NUMA1: variants seen among roughly 807,000 people sequenced by gnomAD.
NUMA1 encodes the protein nuclear mitotic apparatus protein 1.
A neutral mutation model predicts 237.1 loss-of-function variants in NUMA1; 62 were observed. The observed-to-expected ratio is 0.26, with a 90% CI of 0.21 to 0.32. The LOEUF is 0.32. Among genes scored for constraint, NUMA1 ranks in the 10% least tolerant of loss-of-function variants. The pLI is 1.00. For missense variants in NUMA1, 2,533 were observed against 2,666.5 expected (o/e 0.95, Z 1.10); for synonymous variants, 1,028 against 1,066.1 (o/e 0.96, Z 0.70).
At chr11:72,053,810 TA>T (rs1371623250) in intron 2 of NUMA1, among the ~76,000 whole-genome samples, 2 of 152,108 alleles carry the variant, frequency 1.3e-5, no homozygotes, top group Admixed American at 6.5e-5. Flanking sequence ...AAAAACATTT[TA>T]GGGAAAAAAA....
chr11:72,060,796 C>G (rs1230165264), intron 2 of NUMA1, among the ~76,000 whole-genome samples: 1 of 152,142 alleles, frequency 6.6e-6, no homozygotes, highest in Admixed American at 6.5e-5. Flanking sequence ...TTAGGCTAGG[C>G]ACGGTAGCCC....
rs780384295 is a variant in NUMA1, at chr11:72,018,168, C to T, written c.978+15G>A. 7.6e-6 allele frequency: 12 copies of T among 1,588,276 alleles called. No homozygotes were observed. Among genetic ancestry groups the T allele is most frequent in the African/African-American group, 1.3e-5 (1 of 74,406 alleles). ...CCCTGAGGGGCCTCCATGCACACAC[C>T]ACCTTAACACCCACCTTAAAGGAAA... On this transcript the variant is annotated intron_variant, in intron 12 of 26. Coordinates refer to ENST00000393695, the MANE Select transcript of NUMA1 (RefSeq NM_006185.4).
chr11:72,046,754 G>A (rs2135956154), intron 2 of NUMA1, among the ~76,000 whole-genome samples: 1 of 151,982 alleles, frequency 6.6e-6, no homozygotes, highest in South Asian at 2.1e-4. Flanking sequence ...GAGCTCAAGA[G>A]TTCAAGACCA....
chr11:72,056,635 T>TAAAAA lies in NUMA1; in HGVS notation c.-33+13202_-33+13206dup, dbSNP rs59248999. Among the ~76,000 whole-genome samples, 102 of 75,980 alleles carry TAAAAA rather than the reference T, an allele frequency of 1.3e-3. 7 individuals carry two copies. Among genetic ancestry groups the TAAAAA allele is most frequent in the African/African-American group, 4.7e-3 (72 of 15,412 alleles). 49.8% of individuals were successfully genotyped at this position (75,980 alleles called of 152,430 possible). A position where few individuals can be genotyped will look rare whatever the true frequency, so the allele number is the denominator to read the frequency against. On this transcript the variant is annotated intron_variant, in intron 2 of 26. Coordinates refer to ENST00000393695, the MANE Select transcript of NUMA1 (RefSeq NM_006185.4). ...GCGCCTGACCAAGATCCCATCTCTT[T>TAAAAA]AAAAAAAAAAAAAAAAAAAAAAAAA...
chr11:72,064,527 G>T (rs1158129444), intron 2 of NUMA1, among the ~76,000 whole-genome samples: 1 of 152,018 alleles, frequency 6.6e-6, no homozygotes, highest in African/African-American at 2.4e-5. Flanking sequence ...CTCAAGAAAT[G>T]TTGAATTTTA....
chr11:72,018,151 G>A, intron 12 of NUMA1, 32 bp downstream of exon 12: 1 of 1,482,894 alleles, frequency 6.7e-7, no homozygotes, highest in Non-Finnish European at 9.4e-7. Context: ...AGCCCTGAGG[G>A]GCCTCCATGC....
intron 17 of NUMA1, among the ~76,000 whole-genome samples, chr11:72,010,114 C>T (rs1423113071): frequency 6.6e-6 from 1 of 152,226 alleles, no homozygotes; most frequent in Admixed American, 6.5e-5. Context: ...GCAATCAAGA[C>T]ATGCTGTGGC....
rs1403525907 is a variant in NUMA1, at chr11:72,014,063, T to A, written c.3440A>T (p.Glu1147Val). The change falls in exon 15 of 27, where the codon GAA (glutamate) becomes GTA (valine). Residue 1147 changes from glutamate (E) to valine (V), a missense_variant. Around this residue, in one of 3 missense-constraint regions of NUMA1, gnomAD observed 1,414 missense variants for 1,508.1 expected, o/e 0.94. Coordinates refer to ENST00000393695, the MANE Select transcript of NUMA1 (RefSeq NM_006185.4). This position sits in a 1 kb window ranked among gnomAD's most constrained non-coding sequence, Gnocchi z 4.6. ...QKQQEQADSL[E>V]RSLEAERASR... Reference sequence around the variant, plus strand: ...GGCCCGCTCAGCCTCGAGGCTGCGTTCCAGGCTGTCAGCCTGCTCCTGCTG... The same window carrying A: ...GGCCCGCTCAGCCTCGAGGCTGCGTACCAGGCTGTCAGCCTGCTCCTGCTG... 1.2e-6 allele frequency: 2 copies of A among 1,610,948 alleles called. No homozygotes were observed. The highest frequency in any genetic ancestry group is 1.7e-6 in the Non-Finnish European group (2 of 1,180,010).
chr11:72,010,286 AAAG>A (rs1241602101), intron 17 of NUMA1, among the ~76,000 whole-genome samples: 1 of 152,224 alleles, frequency 6.6e-6, no homozygotes, highest in Non-Finnish European at 1.5e-5. Context: ...GTATTAAACC[AAAG>A]AAGGTGACAC....
chr11:72,033,038 T>A (rs1235503407), intron 3 of NUMA1, among the ~76,000 whole-genome samples: 1 of 152,212 alleles, frequency 6.6e-6, no homozygotes, highest in Non-Finnish European at 1.5e-5. Context: ...GTGTATGTTC[T>A]ATGCCACTCT....
At chr11:72,010,744 T>A in intron 17 of NUMA1, 42 bp downstream of exon 17, 2 of 1,577,692 alleles carry the variant, frequency 1.3e-6, no homozygotes, top group Non-Finnish European at 1.7e-6. Context: ...ATAGCTTCCC[T>A]CCCTTGTCCA....
chr11:72,053,148 T>C (rs1446447771), intron 2 of NUMA1, among the ~76,000 whole-genome samples: 1 of 152,176 alleles, frequency 6.6e-6, no homozygotes, highest in African/African-American at 2.4e-5. Context: ...CACACCTGGC[T>C]ATTTTATTTT....
At chr11:72,046,922 T>C (rs1339977836) in intron 2 of NUMA1, among the ~76,000 whole-genome samples, 2 of 151,878 alleles carry the variant, frequency 1.3e-5, no homozygotes, top group African/African-American at 2.4e-5. Flanking sequence ...ATTGCGCCAT[T>C]GCACTCCAGT....
intron 8 of NUMA1, 83 bp downstream of exon 8, chr11:72,021,121 C>T (rs548008042): frequency 1.1e-5 from 13 of 1,131,822 alleles, no homozygotes; most frequent in Non-Finnish European, 1.7e-5. Context: ...CAGAAACAAA[C>T]CCCCACCATA....
At chr11:72,033,792 G>A (rs1173241212) in intron 3 of NUMA1, among the ~76,000 whole-genome samples, 10 of 152,230 alleles carry the variant, frequency 6.6e-5, no homozygotes, top group Middle Eastern at 6.8e-3. Flanking sequence ...AGGTCAAGGC[G>A]GGTGGATCAC....
In NUMA1 at chr11:72,008,759, C is replaced by T; in HGVS notation, c.5145G>A (p.Lys1715=). 6.2e-7 allele frequency: 1 copy of T among 1,614,156 alleles called. No homozygotes were observed. Among genetic ancestry groups the T allele is most frequent in the Non-Finnish European group, 8.5e-7 (1 of 1,180,026 alleles). Residue 1715 remains lysine (K), a synonymous_variant, in exon 20 of 27, where the codon AAG becomes AAA. Coordinates refer to ENST00000393695, the MANE Select transcript of NUMA1 (RefSeq NM_006185.4). ...TGTCAATACTCAAGTCCAGCTGGGG[C>T]TTAGCCTGGGGCTCACGGCTCTTTA... ...DALKSREPQA[K]PQLDLSIDSL... is the part of the protein sequence containing the mutation.
intron 13 of NUMA1, 179 bp from the exon 14 acceptor site, chr11:72,016,709 T>C: frequency 2.9e-6 from 2 of 680,290 alleles, no homozygotes; most frequent in Non-Finnish European, 4.9e-6. Context: ...CCTGATTCTC[T>C]AGACCTAGTT....
chr11:72,004,408 T>C (rs748568449), intron 24 of NUMA1, 67 bp from the exon 25 acceptor site: 19 of 1,451,654 alleles, frequency 1.3e-5, no homozygotes, highest in Middle Eastern at 3.5e-4. Context: ...AGGTGTCTTG[T>C]CCTCTCAGAG....
chr11:72,042,358 A>C (rs1420330859), intron 2 of NUMA1, among the ~76,000 whole-genome samples: 1 of 152,266 alleles, frequency 6.6e-6, no homozygotes, highest in African/African-American at 2.4e-5. Flanking sequence ...GCACTGAGGT[A>C]GGTTGTAATT....
Sources: allele counts gnomAD v4.1 joint callset (sites outside exome capture counted in the v4.1 genomes callset), GRCh38; gene constraint gnomAD v4.1.1; regional missense constraint gnomAD v4.1.1; non-coding constraint Gnocchi (gnomAD v3.1); transcripts MANE v1.5; gene names NCBI Gene and HGNC (gene_info 2026-07-23, HGNC 2026-07-21).